ENTHD1: variants seen among roughly 807,000 people sequenced by gnomAD.
The protein encoded by ENTHD1 is ENTH domain containing 1.
ENTHD1 carries 23 observed loss-of-function variants against 39.1 expected under a neutral mutation model. The observed-to-expected ratio is 0.59, with a 90% CI of 0.42 to 0.83. The LOEUF is 0.83. Ranked by LOEUF, ENTHD1 falls within the 40% of genes least tolerant of loss-of-function variation. ENTHD1 has a pLI of 0.00. For synonymous variants in ENTHD1, 230 were observed against 258.2 expected (o/e 0.89, Z 1.05); for missense variants, 624 against 705.4 (o/e 0.88, Z 1.31).
At chr22:39,799,769 C>T (rs2065583724) in intron 5 of ENTHD1, among the ~76,000 whole-genome samples, 1 of 152,198 alleles carries the variant, frequency 6.6e-6, no homozygotes. Context: ...TTAGGCAAGC[C>T]TCCTGTCCAC....
chr22:39,839,979 AC>A (rs962151958), intron 3 of ENTHD1, among the ~76,000 whole-genome samples: 2 of 152,206 alleles, frequency 1.3e-5, no homozygotes, highest in African/African-American at 4.8e-5. Context: ...GTCTATGGAA[AC>A]TCATTAAATT....
intron 4 of ENTHD1, among the ~76,000 whole-genome samples, chr22:39,822,120 A>T (rs1415296588): frequency 6.6e-6 from 1 of 152,174 alleles, no homozygotes; most frequent in Non-Finnish European, 1.5e-5. Flanking sequence ...CCTAAATGTC[A>T]TAAACAGGTT....
chr22:39,891,624 T>G (rs774667603), intron 1 of ENTHD1, among the ~76,000 whole-genome samples: 7 of 151,290 alleles, frequency 4.6e-5, no homozygotes, highest in Non-Finnish European at 8.8e-5. Flanking sequence ...AAAAAAATTT[T>G]ATTTTTTTTT....
intron 2 of ENTHD1, among the ~76,000 whole-genome samples, chr22:39,883,996 GA>G (rs1264110880): frequency 6.6e-6 from 1 of 151,636 alleles, no homozygotes; most frequent in Non-Finnish European, 1.5e-5. Context: ...CTTAAGACAT[GA>G]AAGACTTGTA....
chr22:39,744,431 G>A, intron 6 of ENTHD1, 148 bp from the exon 7 acceptor site: 1 of 684,224 alleles, frequency 1.5e-6, no homozygotes, highest in South Asian at 3.5e-5. Flanking sequence ...TTCATAATAA[G>A]CTTAAAAAAA....
At chr22:39,806,786 T>C (rs1298149696) in intron 5 of ENTHD1, among the ~76,000 whole-genome samples, 1 of 152,114 alleles carries the variant, frequency 6.6e-6, no homozygotes, top group African/African-American at 2.4e-5. Context: ...GCCTTCCAAA[T>C]GCCAGTGAAG....
intron 5 of ENTHD1, among the ~76,000 whole-genome samples, chr22:39,781,250 A>G (rs2065407931): frequency 6.6e-6 from 1 of 152,206 alleles, no homozygotes; most frequent in Non-Finnish European, 1.5e-5. Context: ...AACAAACCAT[A>G]TCTTAGTCCA....
chr22:39,821,662 A>G lies in ENTHD1; in HGVS notation c.712-549T>C, dbSNP rs929117066. ...AGAATAATCCCTTATTTCATTATGT[A>G]TCTCTGCCTTAGTCCATTCCGGTCA... On this transcript the variant is annotated intron_variant, in intron 4 of 6. Coordinates refer to ENST00000325157, the MANE Select transcript of ENTHD1 (RefSeq NM_152512.4). 2.6e-5 allele frequency among the ~76,000 whole-genome samples: 4 copies of G among 152,320 alleles called. No individual in the cohort carries two copies. In the East Asian group the frequency reaches 7.7e-4, roughly 29 times the overall value.
chr22:39,854,181 G>C (rs1263242373), intron 3 of ENTHD1, among the ~76,000 whole-genome samples: 2 of 152,134 alleles, frequency 1.3e-5, no homozygotes, highest in Admixed American at 1.3e-4. Flanking sequence ...AGGCAGACAG[G>C]GGGAGAGTGT....
chr22:39,850,324 T>A (rs1259506508), intron 3 of ENTHD1, among the ~76,000 whole-genome samples: 1 of 152,226 alleles, frequency 6.6e-6, no homozygotes, highest in Non-Finnish European at 1.5e-5. Context: ...TTATCCTTAA[T>A]GCTCTTGGCT....
At chr22:39,831,412 CAGAG>C (rs781176626) in intron 4 of ENTHD1, among the ~76,000 whole-genome samples, 21 of 152,210 alleles carry the variant, frequency 1.4e-4, no homozygotes, top group Non-Finnish European at 2.9e-4. Flanking sequence ...AGAAAGGACA[CAGAG>C]AGAAAGATTA....
Position 39,766,019 on chromosome 22 carries a change from C to CAAAAAAAAAAAAAAAAAAAAA in ENTHD1, c.833-431_833-411dup, listed in dbSNP as rs11367784. On this transcript the variant is annotated intron_variant, in intron 5 of 6. Coordinates refer to ENST00000325157, the MANE Select transcript of ENTHD1 (RefSeq NM_152512.4). Reference sequence around the variant, plus strand: ...TCTATCCTTACAGAACCCTCAGCTACAAAAAAAAAAAAAAAAAAAAAAAAA... The same window carrying CAAAAAAAAAAAAAAAAAAAAA: ...TCTATCCTTACAGAACCCTCAGCTACAAAAAAAAAAAAAAAAAAAAAAAAAAAAAAAAAAAAAAAAAAAAAA... Among the ~76,000 whole-genome samples the CAAAAAAAAAAAAAAAAAAAAA allele has an allele frequency of 1.4e-3, 67 of 48,362 alleles. 2 individuals are homozygous for CAAAAAAAAAAAAAAAAAAAAA. Among genetic ancestry groups the CAAAAAAAAAAAAAAAAAAAAA allele is most frequent in the South Asian group, 2.9e-3 (2 of 700 alleles). The allele number at this position is 48,362 out of a possible 152,430, so 31.7% of individuals were successfully genotyped here. A position where few individuals can be genotyped will look rare whatever the true frequency, so the allele number is the denominator to read the frequency against.
intron 5 of ENTHD1, among the ~76,000 whole-genome samples, chr22:39,804,640 G>A (rs1191012743): frequency 6.6e-6 from 1 of 152,030 alleles, no homozygotes; most frequent in Admixed American, 6.6e-5. Flanking sequence ...TACCGTGTTA[G>A]GAACTGGGTG....
intron 5 of ENTHD1, 35 bp from the exon 6 acceptor site, chr22:39,765,644 A>C (rs762533051): frequency 4.6e-6 from 7 of 1,530,278 alleles, no homozygotes; most frequent in Non-Finnish European, 6.1e-6. Context: ...TAATCAAAAA[A>C]TAAAACTGAA....
chr22:39,865,445 G>C (rs1052913316), intron 2 of ENTHD1, among the ~76,000 whole-genome samples: 2 of 151,734 alleles, frequency 1.3e-5, no homozygotes, highest in African/African-American at 2.4e-5. Context: ...TAAGAAGAAC[G>C]TAATAAACCT....
At chr22:39,801,267 A>G (rs1569146104) in intron 5 of ENTHD1, among the ~76,000 whole-genome samples, 1 of 152,260 alleles carries the variant, frequency 6.6e-6, no homozygotes, top group African/African-American at 2.4e-5. Flanking sequence ...CCTTGGCAAG[A>G]GCCATGGCTG....
chr22:39,768,984 A>C (rs2065300340), intron 5 of ENTHD1, among the ~76,000 whole-genome samples: 1 of 152,036 alleles, frequency 6.6e-6, no homozygotes, highest in African/African-American at 2.4e-5. Context: ...ATAGATACAT[A>C]TACACACACT....
At chr22:39,859,418 T>C (rs1455014600) in intron 3 of ENTHD1, among the ~76,000 whole-genome samples, 2 of 152,226 alleles carry the variant, frequency 1.3e-5, no homozygotes, top group Non-Finnish European at 2.9e-5. Flanking sequence ...GTTTCGGCTT[T>C]CAACATGCCT....
chr22:39,874,457 A>C (rs1177962392), intron 2 of ENTHD1: 1 of 152,200 alleles, frequency 6.6e-6, no homozygotes, highest in African/African-American at 2.4e-5. Flanking sequence ...AGAGACACAC[A>C]TACAGCGGTG....
Sources: allele counts gnomAD v4.1 joint callset (sites outside exome capture counted in the v4.1 genomes callset), GRCh38; gene constraint gnomAD v4.1.1; transcripts MANE v1.5; gene names NCBI Gene and HGNC (gene_info 2026-07-23, HGNC 2026-07-21).